Variants in HIP1 observed in about 807,000 individuals in gnomAD.
HIP1 encodes the protein huntingtin interacting protein 1.
A neutral mutation model predicts 147.6 loss-of-function variants in HIP1; 65 were observed. The observed-to-expected ratio is 0.44, with a 90% CI of 0.36 to 0.54. HIP1 has a LOEUF of 0.54. HIP1 is among the 20% of genes least tolerant of loss of function. HIP1 has a pLI of 0.00. For missense variants in HIP1, 1,061 were observed against 1,299.6 expected (o/e 0.82, Z 2.82); for synonymous variants, 479 against 504.0 (o/e 0.95, Z 0.67).
chr7:75,616,211 C>T (rs1009798538), intron 1 of HIP1, among the ~76,000 whole-genome samples: 5 of 151,988 alleles, frequency 3.3e-5, no homozygotes, highest in African/African-American at 7.2e-5. Flanking sequence ...TCCAAACCAC[C>T]GCCCACCAGC....
intron 1 of HIP1, among the ~76,000 whole-genome samples, chr7:75,604,078 C>T (rs782482590): frequency 2.0e-5 from 3 of 148,604 alleles, no homozygotes; most frequent in Non-Finnish European, 1.5e-5. Flanking sequence ...GCATTACAGC[C>T]GTTTAAACTA....
chr7:75,591,101 T>C (rs111935776), intron 4 of HIP1, among the ~76,000 whole-genome samples: 52 of 152,054 alleles, frequency 3.4e-4, no homozygotes, highest in African/African-American at 1.2e-3. Flanking sequence ...GGCCCAATCT[T>C]GGCTCACCAC....
chr7:75,604,937 G>A (rs1797163737), intron 1 of HIP1, among the ~76,000 whole-genome samples: 1 of 152,130 alleles, frequency 6.6e-6, no homozygotes, highest in Non-Finnish European at 1.5e-5. Flanking sequence ...GTGAGTTTGT[G>A]ACTATGGATC....
intron 22 of HIP1, among the ~76,000 whole-genome samples, chr7:75,550,846 T>C (rs1379348321): frequency 2.6e-5 from 4 of 152,190 alleles, no homozygotes; most frequent in Non-Finnish European, 5.9e-5. Flanking sequence ...ACATTCTATG[T>C]GTGAGATTCA....
Position 75,535,511 on chromosome 7 carries a change from A to G in HIP1, c.*2661T>C, listed in dbSNP as rs1300409045. The G allele has an allele frequency of 2.8e-5, 5 of 179,496 alleles. No individual in the cohort carries two copies. Among genetic ancestry groups the G allele is most frequent in the Admixed American group, 2.5e-4 (4 of 15,862 alleles). 11.1% of individuals were successfully genotyped at this position (179,496 alleles called of 1,614,324 possible). ...GCTGAGACTACAGGCATGCACCATC[A>G]TGCCCGGCTAATTTTGTTTTTGAAT... is the stretch of plus-strand genomic sequence containing the variant. On this transcript the variant is annotated 3_prime_UTR_variant, in exon 31 of 31. Transcript: ENST00000336926.
rs545545587 is a variant in HIP1, at chr7:75,646,026, A to C, written c.121-46779T>G. On this transcript the variant is annotated intron_variant, in intron 1 of 30. Transcript: ENST00000336926. ...ATGGATCATTAGAATCCCAAACCTT[A>C]GCATCACACAATATACCCATGTAAC... is the stretch of plus-strand genomic sequence containing the variant. 4.6e-5 allele frequency among the ~76,000 whole-genome samples: 7 copies of C among 152,308 alleles called. No individual in the cohort carries two copies. The South Asian group carries it at 1.4e-3, about 32-fold the overall frequency.
At position 75,554,428 on chromosome 7, in the gene HIP1, G is replaced by A. The variant is rs1563198346; in HGVS notation, c.2050+12C>T. On this transcript the variant is annotated intron_variant, in intron 20 of 30. Coordinates refer to ENST00000336926, the MANE Select transcript of HIP1 (RefSeq NM_005338.7). ...TCACTAGCCGACAGAGACTGTCCTT[G>A]GCCATTCTTACCTTCTGGGCAGGCC... The A allele has an allele frequency of 1.2e-6, 2 of 1,606,030 alleles. No individual in the cohort carries two copies. The highest frequency in any genetic ancestry group is 1.7e-6 in the Non-Finnish European group (2 of 1,172,862).
chr7:75,674,259 G>T (rs1302814343), intron 1 of HIP1, among the ~76,000 whole-genome samples: 3 of 152,186 alleles, frequency 2.0e-5, no homozygotes, highest in African/African-American at 7.2e-5. Flanking sequence ...GGTAAGAGCA[G>T]ACATCCTTGT....
rs895047016 is a variant in HIP1 at position 75,666,705 on chromosome 7, C to T, written c.121-67458G>A. Among the ~76,000 whole-genome samples the T allele has an allele frequency of 2.6e-5, 4 of 152,122 alleles. No homozygotes were observed. The South Asian group carries it at 6.2e-4, about 24-fold the overall frequency. ...ATGGAAGGCAAGGACGCTGCTTGTC[C>T]AATGGGAGAAAGTACGGATGTGTTT... is the stretch of plus-strand genomic sequence containing the variant. On this transcript the variant is annotated intron_variant, in intron 1 of 30. Coordinates refer to ENST00000336926, the MANE Select transcript of HIP1 (RefSeq NM_005338.7).
intron 1 of HIP1, among the ~76,000 whole-genome samples, chr7:75,643,717 T>C (rs1798718306): frequency 6.6e-6 from 1 of 152,192 alleles, no homozygotes; most frequent in South Asian, 2.1e-4. Context: ...TAATAGGGTA[T>C]GGCTGGGCGC....
chr7:75,573,147 C>T (rs1795709664), intron 8 of HIP1, among the ~76,000 whole-genome samples: 1 of 152,208 alleles, frequency 6.6e-6, no homozygotes, highest in Admixed American at 6.5e-5. Context: ...ATTTCCTCCC[C>T]TCTGAGGCCC....
chr7:75,698,059 G>A (rs1265950767), intron 1 of HIP1, among the ~76,000 whole-genome samples: 1 of 152,012 alleles, frequency 6.6e-6, no homozygotes, highest in African/African-American at 2.4e-5. Flanking sequence ...AAACTCCTGG[G>A]CTCAAGTGAT....
intron 1 of HIP1, among the ~76,000 whole-genome samples, chr7:75,605,556 G>A (rs968065511): frequency 1.3e-4 from 20 of 152,140 alleles, no homozygotes; most frequent in South Asian, 1.0e-3. Context: ...GTTTTGAGAC[G>A]GAGTCTTGCC....
chr7:75,604,954 G>A (rs1269537842), intron 1 of HIP1, among the ~76,000 whole-genome samples: 2 of 152,152 alleles, frequency 1.3e-5, no homozygotes, highest in Non-Finnish European at 2.9e-5. Flanking sequence ...GATCCACTGA[G>A]TGTGTGTGTA....
chr7:75,608,854 G>A (rs1232050053), intron 1 of HIP1, among the ~76,000 whole-genome samples: 1 of 152,250 alleles, frequency 6.6e-6, no homozygotes, highest in East Asian at 1.9e-4. Flanking sequence ...ATCAGATGAC[G>A]GAGGGCTCTG....
At chr7:75,682,744 G>T (rs1011686967) in intron 1 of HIP1, among the ~76,000 whole-genome samples, 2 of 152,098 alleles carry the variant, frequency 1.3e-5, no homozygotes, top group East Asian at 3.9e-4. Context: ...TTACTCACCT[G>T]CTACAAAAAC....
At chr7:75,711,313 G>C (rs949720043) in intron 1 of HIP1, among the ~76,000 whole-genome samples, 1 of 152,126 alleles carries the variant, frequency 6.6e-6, no homozygotes, top group Admixed American at 6.6e-5. Context: ...ACACTGCTTA[G>C]GCTTTTTAAT....
chr7:75,562,742 G>A (rs1795271032), intron 11 of HIP1, among the ~76,000 whole-genome samples, 193 bp downstream of exon 11: 2 of 152,188 alleles, frequency 1.3e-5, no homozygotes, highest in South Asian at 4.1e-4. Context: ...TTACAGCTGT[G>A]AGCCACTGCA....
At chr7:75,675,520 T>C (rs943018328) in intron 1 of HIP1, among the ~76,000 whole-genome samples, 3 of 152,000 alleles carry the variant, frequency 2.0e-5, no homozygotes, top group Non-Finnish European at 4.4e-5. Flanking sequence ...ATTTTTTGTT[T>C]CAGTTTTTGT....
Sources: allele counts gnomAD v4.1 joint callset (sites outside exome capture counted in the v4.1 genomes callset), GRCh38; gene constraint gnomAD v4.1.1; transcripts MANE v1.5; gene names NCBI Gene and HGNC (gene_info 2026-07-23, HGNC 2026-07-21).